Variants in GPD1L observed in about 807,000 individuals in gnomAD.
The protein encoded by GPD1L is glycerol-3-phosphate dehydrogenase 1 like.
Under a neutral mutation model 32.9 loss-of-function variants are expected in GPD1L, and 17 were observed. The ratio of observed to expected loss-of-function variants is 0.52; its 90% CI spans 0.35 to 0.78. The LOEUF (loss-of-function observed/expected upper bound fraction) is 0.78, where lower values mean the gene tolerates loss of function less well. GPD1L is among the 30% of genes least tolerant of loss of function. GPD1L has a pLI of 0.01. For synonymous variants in GPD1L, 187 were observed against 165.9 expected (o/e 1.13, Z -0.98); for missense variants, 361 against 447.8 (o/e 0.81, Z 1.75).
chr3:32,128,000 C>T (rs1464791502), intron 1 of GPD1L, 76 bp from the exon 2 acceptor site: 1 of 1,019,166 alleles, frequency 9.8e-7, no homozygotes, highest in Non-Finnish European at 1.5e-6. Flanking sequence ...CACAAGTCTT[C>T]TGAATTTTAA....
chr3:32,130,972 C>T (rs566177112), intron 2 of GPD1L, among the ~76,000 whole-genome samples: 2 of 151,960 alleles, frequency 1.3e-5, no homozygotes, highest in South Asian at 4.2e-4. Context: ...ACGAGATTGC[C>T]CCGCTGCACT....
rs961376512 is a variant in GPD1L at position 32,128,364 on chromosome 3, T to C, written c.225+111T>C. On this transcript the variant is annotated intron_variant, in intron 2 of 7. Transcript: ENST00000282541. ...CTGCTTCCCTTTTCCCCAGTTCCTTTCCACTACCAATTGGTTGGTTGGTTT... is the reference window on the plus strand; with the variant it reads ...CTGCTTCCCTTTTCCCCAGTTCCTTCCCACTACCAATTGGTTGGTTGGTTT... 1.0e-4 allele frequency: 91 copies of C among 882,272 alleles called. 1 individual carries two copies. In the Admixed American group the frequency reaches 1.3e-3, roughly 13 times the overall value. The allele number at this position is 882,272 out of a possible 1,614,324, so 54.7% of individuals were successfully genotyped here.
chr3:32,127,730 A>C (rs1700531510), intron 1 of GPD1L, among the ~76,000 whole-genome samples: 1 of 152,188 alleles, frequency 6.6e-6, no homozygotes, highest in Non-Finnish European at 1.5e-5. Context: ...CCACAGGTAC[A>C]TCTCAATATC....
chr3:32,144,762 A>T (rs78049676), intron 4 of GPD1L, among the ~76,000 whole-genome samples: 13,964 of 150,880 alleles, frequency 0.093, 1,297 homozygotes, highest in East Asian at 0.4. Flanking sequence ...CTCGGCTCAC[A>T]GCAACCTCCG....
intron 7 of GPD1L, among the ~76,000 whole-genome samples, chr3:32,160,090 T>C (rs1471774573): frequency 6.6e-6 from 1 of 152,022 alleles, no homozygotes; most frequent in Non-Finnish European, 1.5e-5. Flanking sequence ...CCCAACATTA[T>C]ACCATTAGAA....
At chr3:32,108,857 T>C (rs1456994639) in intron 1 of GPD1L, among the ~76,000 whole-genome samples, 1 of 152,250 alleles carries the variant, frequency 6.6e-6, no homozygotes, top group African/African-American at 2.4e-5. Flanking sequence ...TTTTTTTTAT[T>C]ACTATTTTTT....
chr3:32,155,868 A>G (rs2125496141), intron 5 of GPD1L, among the ~76,000 whole-genome samples: 1 of 152,320 alleles, frequency 6.6e-6, no homozygotes, highest in Middle Eastern at 3.4e-3. Flanking sequence ...CCTAGGTCAC[A>G]CTGTGACAAT....
At chr3:32,151,800 T>A (rs1700923862) in intron 5 of GPD1L, 1 of 153,846 alleles carries the variant, frequency 6.5e-6, no homozygotes, top group Non-Finnish European at 1.5e-5. Flanking sequence ...TCTGATAGAT[T>A]CACATATATG....
At chr3:32,109,804 C>G (rs183569102) in intron 1 of GPD1L, among the ~76,000 whole-genome samples, 2 of 152,246 alleles carry the variant, frequency 1.3e-5, no homozygotes, top group East Asian at 3.9e-4. Flanking sequence ...CCTTAAACAA[C>G]TTACCTTCAG....
intron 1 of GPD1L, among the ~76,000 whole-genome samples, chr3:32,126,441 C>A (rs1700508802): frequency 6.6e-6 from 1 of 152,122 alleles, no homozygotes. Context: ...TGCTCAGTCC[C>A]CCAGAACCAT....
At chr3:32,111,168 A>G (rs1462741525) in intron 1 of GPD1L, among the ~76,000 whole-genome samples, 2 of 152,208 alleles carry the variant, frequency 1.3e-5, no homozygotes, top group African/African-American at 2.4e-5. Context: ...GCCTGGCCCA[A>G]AGTTTCTTTC....
rs370771800 is a variant in GPD1L at position 32,156,386 on chromosome 3, T to C, written c.619-2490T>C. Among the ~76,000 whole-genome samples, 5 of 152,178 alleles carry C rather than the reference T, an allele frequency of 3.3e-5. No individual in the cohort carries two copies. In the East Asian group the frequency reaches 5.8e-4, roughly 18 times the overall value. ...CTCTGCCTGCATCATTTTTAGAGAA[T>C]TTTTCCACTTTTTCCTTTCTATGTT... On this transcript the variant is annotated intron_variant, in intron 5 of 7. Transcript: ENST00000282541.
At chr3:32,122,459 A>G (rs1051272651) in intron 1 of GPD1L, among the ~76,000 whole-genome samples, 3 of 152,262 alleles carry the variant, frequency 2.0e-5, no homozygotes, top group Non-Finnish European at 4.4e-5. Context: ...TGAAGTACCC[A>G]TCTACTCAAG....
chr3:32,145,023 T>C (rs1392311989), intron 4 of GPD1L, among the ~76,000 whole-genome samples: 1 of 150,848 alleles, frequency 6.6e-6, no homozygotes, highest in African/African-American at 2.4e-5. Flanking sequence ...ATTATATTAA[T>C]AATAAAATTC....
chr3:32,117,371 G>T (rs1240759521), intron 1 of GPD1L, among the ~76,000 whole-genome samples: 1 of 152,202 alleles, frequency 6.6e-6, no homozygotes, highest in Admixed American at 6.6e-5. Flanking sequence ...TATGAGGAAG[G>T]TGGACAGTAA....
intron 1 of GPD1L, among the ~76,000 whole-genome samples, chr3:32,107,053 T>C (rs1700174961): frequency 1.3e-5 from 2 of 152,190 alleles, no homozygotes; most frequent in Admixed American, 6.5e-5. Flanking sequence ...AGCCACCTGC[T>C]TGCCACGCCT....
At chr3:32,150,686 C>T in intron 5 of GPD1L, among the ~76,000 whole-genome samples, 1 of 152,086 alleles carries the variant, frequency 6.6e-6, no homozygotes, top group African/African-American at 2.4e-5. Flanking sequence ...AGGGTTTTGC[C>T]ATGTTGGCCA....
chr3:32,158,748 A>G, intron 5 of GPD1L, 128 bp from the exon 6 acceptor site: 8 of 1,535,408 alleles, frequency 5.2e-6, no homozygotes, highest in Non-Finnish European at 7.0e-6. Flanking sequence ...AGAGCCCGGC[A>G]TTGAGTATTT....
chr3:32,165,341 G>A (rs73063451), intron 7 of GPD1L, among the ~76,000 whole-genome samples: 23 of 152,346 alleles, frequency 1.5e-4, no homozygotes, highest in Admixed American at 7.8e-4. Flanking sequence ...TTTGCTAATC[G>A]TGGGTCCTCA....
Sources: gnomAD v4.1 joint callset for allele counts (sites outside exome capture counted in the v4.1 genomes callset) on GRCh38, gnomAD v4.1.1 for gene constraint, MANE v1.5 for transcripts, NCBI Gene and HGNC (gene_info 2026-07-23, HGNC 2026-07-21) for gene names.